The following CWF19L2 variants were observed in gnomAD, a reference collection of about 807,000 sequenced individuals.
CWF19L2 encodes CWF19 like cell cycle control factor 2.
In CWF19L2, 98 loss-of-function variants were observed where a neutral mutation model predicts 111.7. The ratio of observed to expected loss-of-function variants is 0.88; its 90% CI spans 0.75 to 1.04. The LOEUF (loss-of-function observed/expected upper bound fraction) is 1.04, where lower values mean the gene tolerates loss of function less well. Ranked by LOEUF, CWF19L2 falls within the 50% of genes least tolerant of loss-of-function variation. The pLI is 0.00. For missense variants in CWF19L2, 1,101 were observed against 1,051.4 expected (o/e 1.05, Z -0.65); for synonymous variants, 351 against 342.9 (o/e 1.02, Z -0.26).
At chr11:107,438,962 G>T (rs474053) in intron 6 of CWF19L2, 128 bp downstream of exon 6, 132,513 of 551,694 alleles carry the variant, frequency 0.24, 17,500 homozygotes, top group African/African-American at 0.33. Context: ...ATCACTTGAG[G>T]GGGAGGTGGA....
chr11:107,370,809 T>A lies in CWF19L2; in HGVS notation c.1873-17073A>T, dbSNP rs2432863. The stretch of plus-strand genomic sequence containing the variant: ...GTGGCAATGTTTTTCATTAGAATAT[T>A]TGTATGTCCAAAAGAATCGGGAGCA... On this transcript the variant is annotated intron_variant, in intron 12 of 17. Transcript: ENST00000282251. Among the ~76,000 whole-genome samples the A allele has an allele frequency of 9.6e-5, 13 of 135,400 alleles. 2 individuals carry two copies. The highest frequency in any genetic ancestry group is 3.9e-4 in the African/African-American group (13 of 33,504). 88.8% of individuals were successfully genotyped at this position (135,400 alleles called of 152,430 possible).
At chr11:107,405,766 C>A (rs571964256) in intron 10 of CWF19L2, among the ~76,000 whole-genome samples, 1 of 149,212 alleles carries the variant, frequency 6.7e-6, no homozygotes, top group East Asian at 2.0e-4. Context: ...ACCTTCCTTG[C>A]TGACTAAATT....
chr11:107,391,241 A>G (rs760186027), intron 11 of CWF19L2, among the ~76,000 whole-genome samples: 12 of 152,226 alleles, frequency 7.9e-5, no homozygotes, highest in Middle Eastern at 3.4e-3. Context: ...ATATACATCT[A>G]TCCTCTTAAT....
chr11:107,418,428 T>C, intron 8 of CWF19L2, 141 bp from the exon 9 acceptor site: 1 of 636,338 alleles, frequency 1.6e-6, no homozygotes, highest in Non-Finnish European at 2.9e-6. Flanking sequence ...ACATGTAAAT[T>C]AAACTCAATA....
chr11:107,429,758 T>G (rs991516107), intron 7 of CWF19L2, among the ~76,000 whole-genome samples: 1 of 147,136 alleles, frequency 6.8e-6, no homozygotes, highest in African/African-American at 2.5e-5. Context: ...ACTTAATTCC[T>G]ACTGGTTGTG....
intron 11 of CWF19L2, among the ~76,000 whole-genome samples, chr11:107,392,376 A>G (rs1324205537): frequency 1.3e-5 from 2 of 152,160 alleles, no homozygotes; most frequent in African/African-American, 4.8e-5. Context: ...CATGGCACCT[A>G]CATAATTAAG....
chr11:107,395,168 G>A (rs1860904800), intron 10 of CWF19L2, among the ~76,000 whole-genome samples: 1 of 152,174 alleles, frequency 6.6e-6, no homozygotes, highest in Non-Finnish European at 1.5e-5. Flanking sequence ...TTCCTGTGCT[G>A]TTCTCGTGAT....
At chr11:107,345,563 G>A (rs1453004615) in intron 14 of CWF19L2, 1 of 439,950 alleles carries the variant, frequency 2.3e-6, no homozygotes, top group African/African-American at 2.1e-5. Context: ...TACTAAAATA[G>A]TGTTGCAAGA....
At chr11:107,361,634 G>A (rs1027717832) in intron 12 of CWF19L2, among the ~76,000 whole-genome samples, 7 of 152,148 alleles carry the variant, frequency 4.6e-5, no homozygotes, top group East Asian at 3.8e-4. Context: ...ATTTATTTGT[G>A]TCATCTACGA....
chr11:107,434,454 G>C (rs1861512193), intron 6 of CWF19L2, among the ~76,000 whole-genome samples: 1 of 151,914 alleles, frequency 6.6e-6, no homozygotes, highest in South Asian at 2.1e-4. Flanking sequence ...TTCTGTTCCT[G>C]ATTTTCCTTG....
chr11:107,410,997 T>A (rs1281049138), intron 10 of CWF19L2, among the ~76,000 whole-genome samples: 1 of 151,924 alleles, frequency 6.6e-6, no homozygotes. Context: ...TTTGGTAGGG[T>A]CAGCAAAGCT....
At chr11:107,395,719 C>T (rs1282780699) in intron 10 of CWF19L2, among the ~76,000 whole-genome samples, 2 of 152,102 alleles carry the variant, frequency 1.3e-5, no homozygotes, top group Admixed American at 6.5e-5. Context: ...AACAATTATC[C>T]CTTCTTGCTC....
chr11:107,424,476 T>C (rs1340624358), intron 8 of CWF19L2, among the ~76,000 whole-genome samples: 1 of 150,930 alleles, frequency 6.6e-6, no homozygotes, highest in Non-Finnish European at 1.5e-5. Context: ...AAGCCCGGAT[T>C]AAGTAGCCAA....
chr11:107,439,882 C>G (rs1396681040), intron 5 of CWF19L2, among the ~76,000 whole-genome samples: 2 of 152,134 alleles, frequency 1.3e-5, no homozygotes, highest in African/African-American at 2.4e-5. Flanking sequence ...AGCTTCATAT[C>G]ACACAAAGAG....
At chr11:107,434,672 CAAAAA>C (rs71044301) in intron 6 of CWF19L2, among the ~76,000 whole-genome samples, 3 of 115,818 alleles carry the variant, frequency 2.6e-5, no homozygotes, top group African/African-American at 6.1e-5. Context: ...TATTACACAG[CAAAAA>C]AAAAAAAAAA....
chr11:107,339,773 C>G (rs1163723521), intron 14 of CWF19L2, among the ~76,000 whole-genome samples: 3 of 148,766 alleles, frequency 2.0e-5, no homozygotes, highest in Admixed American at 6.9e-5. Flanking sequence ...TCGGGTGATT[C>G]TCCCGCCTTG....
At chr11:107,417,839 A>G (rs1861249230) in intron 9 of CWF19L2, among the ~76,000 whole-genome samples, 1 of 151,372 alleles carries the variant, frequency 6.6e-6, no homozygotes, top group Non-Finnish European at 1.5e-5. Context: ...GGCTCACTGC[A>G]ATCTCCGCCT....
chr11:107,363,225 T>C (rs1004326094), intron 12 of CWF19L2, among the ~76,000 whole-genome samples: 3 of 152,064 alleles, frequency 2.0e-5, no homozygotes, highest in African/African-American at 7.2e-5. Flanking sequence ...ACAGGGAGAA[T>C]GGAACCAAGT....
intron 1 of CWF19L2, among the ~76,000 whole-genome samples, chr11:107,456,898 G>A (rs1044258252): frequency 6.6e-6 from 1 of 152,162 alleles, no homozygotes; most frequent in African/African-American, 2.4e-5. Context: ...GCCAAATTTT[G>A]AAACTATGTC....
Sources: allele counts gnomAD v4.1 joint callset (sites outside exome capture counted in the v4.1 genomes callset), GRCh38; gene constraint gnomAD v4.1.1; transcripts MANE v1.5; gene names NCBI Gene and HGNC (gene_info 2026-07-23, HGNC 2026-07-21).